The following SLC26A6 variants were observed in gnomAD, a reference collection of about 807,000 sequenced individuals.
The protein encoded by SLC26A6 is anion exchange transporter.
A neutral mutation model predicts 87.1 loss-of-function variants in SLC26A6; 67 were observed. That is an observed-to-expected ratio of 0.77 (90% confidence interval 0.63 to 0.94). SLC26A6 has a LOEUF of 0.94. Ranked by LOEUF, SLC26A6 falls within the 40% of genes least tolerant of loss-of-function variation. SLC26A6 has a pLI of 0.00. For synonymous variants in SLC26A6, 414 were observed against 405.9 expected, an observed-to-expected ratio of 1.02 and a Z score of -0.24; for missense variants, 902 against 973.0, an observed-to-expected ratio of 0.93 and a Z score of 0.97.
At chr3:48,630,893 C>T in intron 9 of SLC26A6, 100 bp downstream of exon 9, 1 of 1,566,388 alleles carries the variant, frequency 6.4e-7, no homozygotes, top group Non-Finnish European at 8.7e-7. Context: ...GTGGCCTCAG[C>T]ACATCTGCTG....
chr3:48,631,188 C>G (rs1575528386), intron 8 of SLC26A6, 36 bp downstream of exon 8: 1 of 1,612,444 alleles, frequency 6.2e-7, no homozygotes, highest in African/African-American at 1.3e-5. Flanking sequence ...TCCTGGCTGC[C>G]CAACCCTCCC....
chr3:48,630,991 A>C lies in SLC26A6; in HGVS notation c.1134+2T>G. ...CTCCTACACATCCCGCATCACCCAG[A>C]CCTGGTTGCTGTCCACCCGGTAGCC... On this transcript the variant is annotated splice_donor_variant, in intron 9 of 20. Coordinates refer to ENST00000395550, the MANE Select transcript of SLC26A6 (RefSeq NM_022911.3). LOFTEE classifies it high-confidence loss of function. 6.2e-7 allele frequency: 1 copy of C among 1,613,580 alleles called. No homozygotes were observed. The highest frequency in any genetic ancestry group is 8.5e-7 in the Non-Finnish European group (1 of 1,179,976).
chr3:48,631,787 G>C lies in SLC26A6; in HGVS notation c.765C>G (p.Val255=). The C allele has an allele frequency of 6.2e-7, 1 of 1,613,514 alleles. No homozygotes were observed. Among genetic ancestry groups the C allele is most frequent in the Non-Finnish European group, 8.5e-7 (1 of 1,180,010 alleles). The change falls in exon 7 of 21, where the codon GTC becomes GTG. Residue 255 remains valine, a synonymous_variant. Coordinates refer to ENST00000395550, the MANE Select transcript of SLC26A6 (RefSeq NM_022911.3). ...CCTTGCTCTGGGGCAGCTTCCAGCA[G>C]ACCTCCAGCACTGTCTGAGGAGAGG... ...PLSLIYTVLE[V]CWKLPQSKVG...
intron 1 of SLC26A6, chr3:48,634,616 C>A: frequency 1.5e-6 from 1 of 657,106 alleles, no homozygotes; most frequent in Non-Finnish European, 1.9e-6. Flanking sequence ...ACAGAAGGAT[C>A]TTACCTGGGG....
At chr3:48,630,396 T>C (rs759562729) in intron 11 of SLC26A6, 42 bp downstream of exon 11, 438 of 1,543,194 alleles carry the variant, frequency 2.8e-4, no homozygotes, top group Non-Finnish European at 3.7e-4. Flanking sequence ...TTGAGAGCCC[T>C]GGCCTGGCCA....
In SLC26A6 at chr3:48,627,276, C is replaced by T. The variant is rs999733355; in HGVS notation, c.1894-221G>A. The stretch of plus-strand genomic sequence containing the variant: ...CAGATGTGCATATACTGCTCTGCTA[C>T]CTCCTGGGCCGACGCTGCACAGGGA... On this transcript the variant is annotated intron_variant, in intron 17 of 20. Coordinates refer to ENST00000395550, the MANE Select transcript of SLC26A6 (RefSeq NM_022911.3). 2.5e-5 allele frequency: 14 copies of T among 570,316 alleles called. No individual in the cohort carries two copies. The South Asian group carries it at 2.8e-4, about 11-fold the overall frequency. 35.3% of individuals were successfully genotyped at this position (570,316 alleles called of 1,614,324 possible). A position where few individuals can be genotyped will look rare whatever the true frequency, so the allele number is the denominator to read the frequency against.
intron 1 of SLC26A6, 149 bp from the exon 2 acceptor site, chr3:48,633,784 G>A (rs569162655): frequency 1.4e-6 from 2 of 1,468,400 alleles, no homozygotes; most frequent in South Asian, 1.4e-5. Context: ...GGCATCTGTG[G>A]GCCACATGTC....
chr3:48,629,974 A>G lies in SLC26A6; in HGVS notation c.1427T>C (p.Ile476Thr). Residue 476 changes from isoleucine to threonine, a missense_variant, in exon 13 of 21, where the codon ATC becomes ACC. Transcript: ENST00000395550. ...GGTGGCCGTGAAGGTCACCAGCCAG[A>G]TAAGCTGAGAACAGAGGGCAGCGGT... Reference protein sequence around the residue: ...LWKANRADLLIWLVTFTATIL... With the variant: ...LWKANRADLLTWLVTFTATIL... 6.2e-7 allele frequency: 1 copy of G among 1,614,020 alleles called. No individual in the cohort carries two copies. Among genetic ancestry groups the G allele is most frequent in the South Asian group, 1.1e-5 (1 of 91,078 alleles).
chr3:48,626,699 G>C lies in SLC26A6; in HGVS notation c.2074-14C>G. The C allele has an allele frequency of 1.2e-6, 2 of 1,613,940 alleles. No homozygotes were observed. Among genetic ancestry groups the C allele is most frequent in the South Asian group, 1.1e-5 (1 of 91,076 alleles). On this transcript the variant is annotated splice_polypyrimidine_tract_variant and intron_variant, in intron 18 of 20. Coordinates refer to ENST00000395550, the MANE Select transcript of SLC26A6 (RefSeq NM_022911.3). Reference sequence around the variant, plus strand: ...GTCATGGAAAATCTGTAGCGGAAAAGGGGGCCAGCCTCAGAGGGAGGCTCA... The same window carrying C: ...GTCATGGAAAATCTGTAGCGGAAAACGGGGCCAGCCTCAGAGGGAGGCTCA...
intron 5 of SLC26A6, 51 bp from the exon 6 acceptor site, chr3:48,632,095 A>G (rs1348501607): frequency 1.2e-6 from 2 of 1,607,026 alleles, no homozygotes; most frequent in Non-Finnish European, 1.7e-6. Context: ...TGGGGTTGCT[A>G]ATGAGGAGCG....
In SLC26A6 at chr3:48,625,903, C is replaced by T. The variant is rs548914937; in HGVS notation, c.*83G>A. ...ACATGGAGGGGACTCCTGGGTAGCA[C>T]CTGGAGGCGGCCTAGGGGTGAGGGG... On this transcript the variant is annotated 3_prime_UTR_variant, in exon 21 of 21. Transcript: ENST00000395550. The surrounding 1 kb of genome is among the most constrained non-coding windows in gnomAD (Gnocchi z 4.7). 5 of 1,587,808 alleles carry T rather than the reference C, an allele frequency of 3.1e-6. No homozygotes were observed. The South Asian group carries it at 3.4e-5, about 11-fold the overall frequency.
At position 48,630,107 on chromosome 3, in the gene SLC26A6, C is replaced by G. The variant is rs1339741563; in HGVS notation, c.1377G>C (p.Gln459His). The G allele has an allele frequency of 2.5e-6, 4 of 1,611,712 alleles. No individual in the cohort carries two copies. The highest frequency in any genetic ancestry group is 3.4e-6 in the Non-Finnish European group (4 of 1,178,302). ...IIVNLKGMLRQLSDMRSLWKA... is the reference protein window; with the variant it reads ...IIVNLKGMLRHLSDMRSLWKA... ...TCCAGAGGGAGCGCATGTCGCTGAG[C>G]TGCCTCAGCATGCCCTTCAGGTTCA... Residue 459 changes from glutamine (Q) to histidine (H), a missense_variant, in exon 12 of 21, where the codon CAG becomes CAC. Gln to His is a conservative substitution (Grantham distance 24). This residue lies in a region of SLC26A6 where 800 missense variants were observed against 856.8 expected (regional missense o/e 0.93). Transcript: ENST00000395550.
Position 48,628,509 on chromosome 3 carries a change from C to G in SLC26A6, c.1725G>C (p.Gln575His). The change falls in exon 16 of 21, where the codon CAG (glutamine) becomes CAC (histidine). Residue 575 changes from glutamine (Q) to histidine (H), a missense_variant. Physicochemically the swap from Gln to His is conservative, Grantham distance 24 (BLOSUM62 0). Transcript: ENST00000395550. This position sits in a 1 kb window ranked among gnomAD's most constrained non-coding sequence, Gnocchi z 4.4. ...CCTGCTTCTTGAGCAGTTTCTTCTT[C>G]TGGGAGATGAGGAAGTCGACATCCA... ...CGVDVDFLISQKKKLLKKQEQ... is the reference protein window; with the variant it reads ...CGVDVDFLISHKKKLLKKQEQ... 1 of 1,614,024 alleles carries G rather than the reference C, an allele frequency of 6.2e-7. No individual in the cohort carries two copies. The highest frequency in any genetic ancestry group is 8.5e-7 in the Non-Finnish European group (1 of 1,179,948).
chr3:48,630,371 C>T, intron 11 of SLC26A6, 67 bp downstream of exon 11: 2 of 1,507,892 alleles, frequency 1.3e-6, no homozygotes. Flanking sequence ...CTCGCCTGAA[C>T]CTAGACTGGC....
intron 7 of SLC26A6, 52 bp from the exon 8 acceptor site, chr3:48,631,358 G>T: frequency 6.7e-7 from 1 of 1,494,188 alleles, no homozygotes. Flanking sequence ...ATGGTCAGGG[G>T]GACACATAAA....
Position 48,628,479 on chromosome 3 carries a change from C to T in SLC26A6, c.1755G>A (p.Gln585=). ...QKKKLLKKQE[Q]LKLKQLQKEE... ...CTTTCTGCAGTTGCTTCAGCTTCAG[C>T]TGCTCCTGCTTCTTGAGCAGTTTCT... Residue 585 remains glutamine, a synonymous_variant, in exon 16 of 21, where the codon CAG becomes CAA. Transcript: ENST00000395550. This position sits in a 1 kb window ranked among gnomAD's most constrained non-coding sequence, Gnocchi z 4.4. 6.2e-7 allele frequency: 1 copy of T among 1,614,122 alleles called. No homozygotes were observed. The highest frequency in any genetic ancestry group is 1.1e-5 in the South Asian group (1 of 91,082).
intron 1 of SLC26A6, chr3:48,633,953 C>T (rs542711671): frequency 8.4e-4 from 872 of 1,038,024 alleles, no homozygotes; most frequent in Non-Finnish European, 1.0e-3. Context: ...AGGTCCCAGG[C>T]TGCTCCCTCC....
At chr3:48,631,427 T>C in intron 7 of SLC26A6, 121 bp from the exon 8 acceptor site, 1 of 1,212,320 alleles carries the variant, frequency 8.2e-7, no homozygotes, top group South Asian at 1.6e-5. Flanking sequence ...TGGGAAAAAG[T>C]CACGTAGGGT....
chr3:48,630,693 G>C lies in SLC26A6; in HGVS notation c.1162C>G (p.Leu388Val), dbSNP rs764807978. The C allele has an allele frequency of 5.0e-6, 8 of 1,602,330 alleles. No individual in the cohort carries two copies. The South Asian group carries it at 6.7e-5, about 13-fold the overall frequency. ...AAGCACTGGAAGATGCCTCCGATAA[G>C]GTTACTGAGGCCCAGGGCCACCAGC... Reference protein sequence around the residue: ...QELVALGLSNLIGGIFQCFPV... With the variant: ...QELVALGLSNVIGGIFQCFPV... The change falls in exon 10 of 21, where the codon CTT becomes GTT. Residue 388 changes from leucine to valine, a missense_variant. Leu to Val is a conservative substitution (Grantham distance 32, BLOSUM62 1). Around this residue, in one of 3 missense-constraint regions of SLC26A6, gnomAD observed 800 missense variants for 856.8 expected, o/e 0.93. Coordinates refer to ENST00000395550, the MANE Select transcript of SLC26A6 (RefSeq NM_022911.3).
Sources: gnomAD v4.1 joint callset for allele counts on GRCh38, gnomAD v4.1.1 for gene constraint, gnomAD v4.1.1 regional missense constraint, Gnocchi (gnomAD v3.1) non-coding constraint, MANE v1.5 for transcripts, NCBI Gene and HGNC (gene_info 2026-07-23, HGNC 2026-07-21) for gene names.